The following LSM4 variants were observed in gnomAD, a reference collection of about 807,000 sequenced individuals.
LSM4 encodes LSM4 homolog, U6 small nuclear RNA and mRNA degradation associated.
A neutral mutation model predicts 22.3 loss-of-function variants in LSM4; 15 were observed. The ratio of observed to expected loss-of-function variants is 0.67; its 90% CI spans 0.45 to 1.03. The LOEUF (loss-of-function observed/expected upper bound fraction) is 1.03. Ranked by LOEUF, LSM4 falls within the 50% of genes least tolerant of loss-of-function variation. The pLI is 0.00. For synonymous variants in LSM4, 90 were observed against 79.8 expected (o/e 1.13, Z -0.68); for missense variants, 127 against 198.0 (o/e 0.64, Z 2.15).
rs1439720624 is a variant in LSM4 at position 18,307,209 on chromosome 19, CAG to C, written c.*253_*254del. 2.5e-6 allele frequency: 1 copy of C among 399,692 alleles called. No homozygotes were observed. The highest frequency in any genetic ancestry group is 4.4e-6 in the Non-Finnish European group (1 of 224,724). 24.8% of individuals were successfully genotyped at this position (399,692 alleles called of 1,614,324 possible). Reference sequence around the variant, plus strand: ...GAGGGCTTGAAAGATGCCTTCAACACAGACTCTTCTAGGAATCCAGCCAGTTT... The same window carrying C: ...GAGGGCTTGAAAGATGCCTTCAACACACTCTTCTAGGAATCCAGCCAGTTT... On this transcript the variant is annotated 3_prime_UTR_variant, in exon 5 of 5. Transcript: ENST00000593829.
At position 18,307,397 on chromosome 19, in the gene LSM4, TC is replaced by T; in HGVS notation, c.*66del. 2.2e-6 allele frequency: 3 copies of T among 1,354,152 alleles called. No homozygotes were observed. The highest frequency in any genetic ancestry group is 2.9e-5 in the South Asian group (2 of 67,870). The allele number at this position is 1,354,152 out of a possible 1,614,324, so 83.9% of individuals were successfully genotyped here. A position where few individuals can be genotyped will look rare whatever the true frequency, so the allele number is the denominator to read the frequency against. ...GCCTCTTCCTTTCTGAGCAGATCCGTCCGAGACTGTGGAGCGGAATCGCCAC... is the reference window on the plus strand; with the variant it reads ...GCCTCTTCCTTTCTGAGCAGATCCGTCGAGACTGTGGAGCGGAATCGCCAC... On this transcript the variant is annotated 3_prime_UTR_variant, in exon 5 of 5. Coordinates refer to ENST00000593829, the MANE Select transcript of LSM4 (RefSeq NM_012321.5).
At position 18,307,573 on chromosome 19, in the gene LSM4, G is replaced by A. The variant is rs577369324; in HGVS notation, c.329-18C>T. On this transcript the variant is annotated intron_variant, in intron 4 of 4. Transcript: ENST00000593829. Reference sequence around the variant, plus strand: ...AAACACACCTAGAGGACAGAGAGAGGGCGCTGCAGCAGAGCCAGGTGGGTG... The same window carrying A: ...AAACACACCTAGAGGACAGAGAGAGAGCGCTGCAGCAGAGCCAGGTGGGTG... The A allele has an allele frequency of 1.3e-5, 19 of 1,483,918 alleles. No individual in the cohort carries two copies. The highest frequency in any genetic ancestry group is 2.6e-5 in the South Asian group (2 of 77,088). 91.9% of individuals were successfully genotyped at this position (1,483,918 alleles called of 1,614,324 possible). A position where few individuals can be genotyped will look rare whatever the true frequency, so the allele number is the denominator to read the frequency against.
At chr19:18,314,666 C>T (rs1259469144) in intron 2 of LSM4, among the ~76,000 whole-genome samples, 1 of 152,106 alleles carries the variant, frequency 6.6e-6, no homozygotes, top group African/African-American at 2.4e-5. Context: ...GGTCTCCGTT[C>T]GCATGCATGG....
intron 3 of LSM4, among the ~76,000 whole-genome samples, chr19:18,311,531 C>T (rs909476589): frequency 1.3e-5 from 2 of 152,174 alleles, no homozygotes; most frequent in Non-Finnish European, 2.9e-5. Flanking sequence ...TCCACAAGAC[C>T]GCACATGCTC....
intron 2 of LSM4, among the ~76,000 whole-genome samples, chr19:18,313,604 AC>A (rs1970321334): frequency 6.6e-6 from 1 of 152,074 alleles, no homozygotes; most frequent in South Asian, 2.1e-4. Flanking sequence ...TACAGCCTCA[AC>A]CTCCTGGGCT....
intron 1 of LSM4, among the ~76,000 whole-genome samples, chr19:18,317,356 G>C (rs534883080): frequency 4.8e-4 from 68 of 143,044 alleles, no homozygotes; most frequent in African/African-American, 1.6e-3. Context: ...TTTTTGAGAC[G>C]GAGTCTCGCT....
At chr19:18,308,585 C>T (rs537424999) in intron 4 of LSM4, among the ~76,000 whole-genome samples, 29 of 152,298 alleles carry the variant, frequency 1.9e-4, no homozygotes, top group African/African-American at 6.0e-4. Flanking sequence ...CCACAGAGCC[C>T]GCTGGGAGGC....
intron 4 of LSM4, among the ~76,000 whole-genome samples, chr19:18,308,885 C>T (rs1970263945): frequency 6.6e-6 from 1 of 152,192 alleles, no homozygotes; most frequent in Non-Finnish European, 1.5e-5. Context: ...ATCTGCACTC[C>T]ATGGCCCAGT....
At chr19:18,322,216 T>C (rs1970432047) in intron 1 of LSM4, among the ~76,000 whole-genome samples, 1 of 151,970 alleles carries the variant, frequency 6.6e-6, no homozygotes, top group Non-Finnish European at 1.5e-5. Context: ...GGAAGTCACA[T>C]CCCCAACAAG....
intron 1 of LSM4, among the ~76,000 whole-genome samples, chr19:18,317,133 G>A (rs1296414502): frequency 6.6e-6 from 1 of 151,728 alleles, no homozygotes; most frequent in Non-Finnish European, 1.5e-5. Flanking sequence ...TGATCCTCCC[G>A]CCTCAGCCTC....
At position 18,310,077 on chromosome 19, in the gene LSM4, G is replaced by T. The variant is rs558357129; in HGVS notation, c.145-216C>A. 3.8e-5 allele frequency: 21 copies of T among 558,956 alleles called. No individual in the cohort carries two copies. The East Asian group carries it at 6.7e-4, about 18-fold the overall frequency. The allele number at this position is 558,956 out of a possible 1,614,324, so 34.6% of individuals were successfully genotyped here. On this transcript the variant is annotated intron_variant, in intron 3 of 4. Coordinates refer to ENST00000593829, the MANE Select transcript of LSM4 (RefSeq NM_012321.5). ...ATCCTTCACCCAGGAGCAAGGGTGG[G>T]TGTGGTAGGCGCAGCCCCCATTGTG...
At chr19:18,316,234 T>C in intron 1 of LSM4, 169 bp from the exon 2 acceptor site, 2 of 556,610 alleles carry the variant, frequency 3.6e-6, no homozygotes, top group Non-Finnish European at 6.5e-6. Flanking sequence ...TGCCCAGCCC[T>C]GGAACACACA....
chr19:18,315,955 T>C, intron 2 of LSM4, 69 bp downstream of exon 2: 28 of 1,491,256 alleles, frequency 1.9e-5, no homozygotes, highest in Non-Finnish European at 2.5e-5. Flanking sequence ...AGCCGTCTGC[T>C]CAGCCACCGC....
At chr19:18,314,380 AG>A (rs774008078) in intron 2 of LSM4, among the ~76,000 whole-genome samples, 2 of 151,818 alleles carry the variant, frequency 1.3e-5, no homozygotes, top group Non-Finnish European at 2.9e-5. Context: ...AAAAAAAATT[AG>A]CCAGGCGTGG....
At position 18,309,667 on chromosome 19, in the gene LSM4, G is replaced by T. The variant is rs1012140285; in HGVS notation, c.328+11C>A. The T allele has an allele frequency of 1.9e-6, 3 of 1,592,072 alleles. No individual in the cohort carries two copies. In the East Asian group the frequency reaches 6.7e-5, roughly 36 times the overall value. Reference sequence around the variant, plus strand: ...CGCCCCAGGTACGTCCACTGGAGAGGGGAGACCCACCTCGGCCAGCGCCGC... The same window carrying T: ...CGCCCCAGGTACGTCCACTGGAGAGTGGAGACCCACCTCGGCCAGCGCCGC... On this transcript the variant is annotated intron_variant, in intron 4 of 4. Coordinates refer to ENST00000593829, the MANE Select transcript of LSM4 (RefSeq NM_012321.5).
In LSM4 at chr19:18,309,752, G is replaced by A; in HGVS notation, c.254C>T (p.Ala85Val). 5 of 1,613,650 alleles carry A rather than the reference G, an allele frequency of 3.1e-6. No homozygotes were observed. Among genetic ancestry groups the A allele is most frequent in the South Asian group, 1.1e-5 (1 of 91,074 alleles). Residue 85 changes from alanine (A) to valine (V), a missense_variant, in exon 4 of 5, where the codon GCC (alanine) becomes GTC (valine). By Grantham distance (64) the Ala-to-Val change is moderately conservative (BLOSUM62 0). Transcript: ENST00000593829. ...CAGGCCTCCGCGGCCGCGGCCCTTG[G>A]CCACCACCTCCTCCTTGACCATGTC... Reference protein sequence around the residue: ...IIDMVKEEVVAKGRGRGGLQQ... With the variant: ...IIDMVKEEVVVKGRGRGGLQQ...
rs1970239260 is a variant in LSM4 at position 18,307,403 on chromosome 19, AC to A, written c.*60del. ...TCCTTTCTGAGCAGATCCGTCCGAG[AC>A]TGTGGAGCGGAATCGCCACCCTGGC... On this transcript the variant is annotated 3_prime_UTR_variant, in exon 5 of 5. Transcript: ENST00000593829. 7.2e-7 allele frequency: 1 copy of A among 1,379,312 alleles called. No homozygotes were observed. The highest frequency in any genetic ancestry group is 1.5e-5 in the African/African-American group (1 of 67,606). 85.4% of individuals were successfully genotyped at this position (1,379,312 alleles called of 1,614,324 possible).
chr19:18,307,637 C>CGCCCCTTCACGCCACCCTCACCA lies in LSM4; in HGVS notation c.329-83_329-82insTGGTGAGGGTGGCGTGAAGGGGC. ...GATCCCGGCGCCCTGAAACTCTAGG[C>CGCCCCTTCACGCCACCCTCACCA]CAGGTCACCTAAGTCTCCAGCCTCA... On this transcript the variant is annotated intron_variant, in intron 4 of 4. Transcript: ENST00000593829. 5.8e-6 allele frequency: 6 copies of CGCCCCTTCACGCCACCCTCACCA among 1,026,696 alleles called. No individual in the cohort carries two copies. The South Asian group carries it at 1.1e-4, about 20-fold the overall frequency. The allele number at this position is 1,026,696 out of a possible 1,614,324, so 63.6% of individuals were successfully genotyped here.
At chr19:18,320,508 CA>C (rs976654656) in intron 1 of LSM4, among the ~76,000 whole-genome samples, 2 of 151,528 alleles carry the variant, frequency 1.3e-5, no homozygotes, top group Non-Finnish European at 2.9e-5. Context: ...CTCTGAAAAA[CA>C]AAAAAAGTCT....
Sources: gnomAD v4.1 joint callset for allele counts (sites outside exome capture counted in the v4.1 genomes callset) on GRCh38, gnomAD v4.1.1 for gene constraint, MANE v1.5 for transcripts, NCBI Gene and HGNC (gene_info 2026-07-23, HGNC 2026-07-21) for gene names.